Variants in MYRIP observed in about 807,000 individuals in gnomAD.
The protein encoded by MYRIP is myosin VIIA and Rab interacting protein.
In MYRIP, 49 loss-of-function variants were observed where a neutral mutation model predicts 98.0. The ratio of observed to expected loss-of-function variants is 0.50; its 90% confidence interval spans 0.40 to 0.63. The LOEUF (loss-of-function observed/expected upper bound fraction) is 0.63. Among genes scored for constraint, MYRIP ranks in the 30% least tolerant of loss-of-function variants. MYRIP has a pLI of 0.00. For synonymous variants in MYRIP, 404 were observed against 409.5 expected (o/e 0.99, Z 0.16); for missense variants, 1,004 against 1,058.2 (o/e 0.95, Z 0.71).
At chr3:40,044,353 A>G (rs1947622482) in intron 3 of MYRIP, 82 bp downstream of exon 3, 3 of 1,358,942 alleles carry the variant, frequency 2.2e-6, no homozygotes. Context: ...AGGTAGAACC[A>G]GCTATGATTG....
At chr3:40,255,744 C>T (rs1321937042) in intron 16 of MYRIP, among the ~76,000 whole-genome samples, 3 of 152,170 alleles carry the variant, frequency 2.0e-5, no homozygotes, top group Non-Finnish European at 1.5e-5. Context: ...TTAAAACTCC[C>T]TTATCAGCCT....
chr3:39,919,410 T>A (rs985959413), intron 2 of MYRIP, among the ~76,000 whole-genome samples: 1 of 152,192 alleles, frequency 6.6e-6, no homozygotes, highest in African/African-American at 2.4e-5. Flanking sequence ...TATCTCTAAG[T>A]GCTGAGAGGA....
chr3:39,821,330 T>A (rs1425977459), intron 1 of MYRIP, among the ~76,000 whole-genome samples: 2 of 141,342 alleles, frequency 1.4e-5, no homozygotes, highest in South Asian at 2.6e-4. Context: ...CCGACCCCTG[T>A]ACCACCCCGC....
chr3:39,877,269 T>C (rs1375034667), intron 1 of MYRIP, among the ~76,000 whole-genome samples: 1 of 152,142 alleles, frequency 6.6e-6, no homozygotes, highest in African/African-American at 2.4e-5. Flanking sequence ...GTTTTCAACT[T>C]GTTTGCCTTT....
At chr3:39,994,009 G>T (rs1946267108) in intron 2 of MYRIP, among the ~76,000 whole-genome samples, 1 of 152,162 alleles carries the variant, frequency 6.6e-6, no homozygotes, top group Non-Finnish European at 1.5e-5. Context: ...CAAACAAAAT[G>T]GGGTCCCAGA....
chr3:40,163,334 G>A (rs1269710579), intron 5 of MYRIP, among the ~76,000 whole-genome samples: 2 of 152,054 alleles, frequency 1.3e-5, no homozygotes, highest in African/African-American at 4.8e-5. Flanking sequence ...CAGCTTATCT[G>A]TACTCTCTAT....
At chr3:40,070,640 G>T (rs923685113) in intron 3 of MYRIP, among the ~76,000 whole-genome samples, 9 of 152,136 alleles carry the variant, frequency 5.9e-5, no homozygotes, top group African/African-American at 1.4e-4. Context: ...ATTGTGAATT[G>T]TGTGTGCGAG....
intron 11 of MYRIP, among the ~76,000 whole-genome samples, chr3:40,230,760 G>A (rs1166645383): frequency 6.6e-6 from 1 of 152,018 alleles, no homozygotes. Context: ...GCAAAATGGG[G>A]ACATCAACCA....
chr3:40,087,192 G>A (rs1948647346), intron 3 of MYRIP, among the ~76,000 whole-genome samples: 2 of 151,990 alleles, frequency 1.3e-5, no homozygotes, highest in Non-Finnish European at 2.9e-5. Flanking sequence ...GAGTTAGTGT[G>A]GATTCTGACA....
rs1293877354 is a variant in MYRIP, at chr3:40,000,706, GA to G, written c.111-43340del. On this transcript the variant is annotated intron_variant, in intron 2 of 16. Coordinates refer to ENST00000302541, the MANE Select transcript of MYRIP (RefSeq NM_015460.4). ...GAGATGAAAGCAGACTACAAGCCAA[GA>G]AAACTGATGAGACTGACATAAAGCT... Among the ~76,000 whole-genome samples, 8 of 152,172 alleles carry G rather than the reference GA, an allele frequency of 5.3e-5. No individual in the cohort carries two copies. The East Asian group carries it at 1.2e-3, about 22-fold the overall frequency.
intron 1 of MYRIP, among the ~76,000 whole-genome samples, chr3:39,874,062 G>A (rs1244018207): frequency 1.9e-4 from 29 of 150,986 alleles, no homozygotes; most frequent in African/African-American, 5.4e-4. Flanking sequence ...CACATCCCTT[G>A]TAAGTTGGAT....
intron 3 of MYRIP, among the ~76,000 whole-genome samples, chr3:40,061,436 C>T (rs1948013179): frequency 1.3e-5 from 2 of 152,320 alleles, no homozygotes; most frequent in African/African-American, 2.4e-5. Context: ...ACGGCTGCAT[C>T]ATATTCCATG....
chr3:40,045,617 G>A (rs1162486866), intron 3 of MYRIP, among the ~76,000 whole-genome samples: 1 of 152,198 alleles, frequency 6.6e-6, no homozygotes, highest in African/African-American at 2.4e-5. Flanking sequence ...CTTGAATATT[G>A]TGGCACTGAG....
intron 8 of MYRIP, among the ~76,000 whole-genome samples, chr3:40,179,574 AT>A (rs1388258436): frequency 2.6e-5 from 4 of 152,208 alleles, no homozygotes; most frequent in South Asian, 4.2e-4. Flanking sequence ...AAGCTTGTAG[AT>A]TTTTTTTAAA....
chr3:40,205,833 C>T (rs1245702058), intron 10 of MYRIP, among the ~76,000 whole-genome samples: 3 of 151,784 alleles, frequency 2.0e-5, no homozygotes, highest in Non-Finnish European at 4.4e-5. Context: ...CTCAGCAGCA[C>T]CCTTATTTTC....
chr3:40,035,066 A>C (rs1947347101), intron 2 of MYRIP, among the ~76,000 whole-genome samples: 1 of 108,632 alleles, frequency 9.2e-6, no homozygotes, highest in Non-Finnish European at 1.7e-5. Context: ...CACTCTGGGG[A>C]CTGTTATGGG....
At chr3:40,167,304 C>A in intron 7 of MYRIP, 65 bp downstream of exon 7, 2 of 1,435,186 alleles carry the variant, frequency 1.4e-6, no homozygotes, top group African/African-American at 1.4e-5. Flanking sequence ...GGGACTCTGG[C>A]AAGTAGCAGG....
intron 2 of MYRIP, among the ~76,000 whole-genome samples, chr3:39,977,577 G>A (rs534225855): frequency 6.6e-6 from 1 of 152,178 alleles, no homozygotes; most frequent in Non-Finnish European, 1.5e-5. Flanking sequence ...TCTATTAAAA[G>A]TGCTTGGCAT....
intron 1 of MYRIP, among the ~76,000 whole-genome samples, chr3:39,863,137 T>C (rs1021074834): frequency 5.3e-5 from 8 of 151,664 alleles, no homozygotes; most frequent in African/African-American, 1.9e-4. Flanking sequence ...CATACTACAA[T>C]CATAGGGACA....
Sources: allele counts gnomAD v4.1 joint callset (sites outside exome capture counted in the v4.1 genomes callset), GRCh38; gene constraint gnomAD v4.1.1; transcripts MANE v1.5; gene names NCBI Gene and HGNC (gene_info 2026-07-23, HGNC 2026-07-21).